TTC21B: variants seen among roughly 807,000 people sequenced by gnomAD.
TTC21B encodes tetratricopeptide repeat protein 21B.
A neutral mutation model predicts 175.1 loss-of-function variants in TTC21B; 127 were observed. The ratio of observed to expected loss-of-function variants is 0.73; its 90% CI spans 0.63 to 0.84. The LOEUF (loss-of-function observed/expected upper bound fraction) is 0.84, where lower values mean the gene tolerates loss of function less well. Among genes scored for constraint, TTC21B ranks in the 40% least tolerant of loss-of-function variants. TTC21B has a pLI of 0.00. For missense variants in TTC21B, 1,561 were observed against 1,558.3 expected (o/e 1.00, Z -0.03); for synonymous variants, 524 against 524.5 (o/e 1.00, Z 0.01).
chr2:165,891,435 G>C (rs962112919), intron 22 of TTC21B, among the ~76,000 whole-genome samples: 5 of 152,058 alleles, frequency 3.3e-5, no homozygotes, highest in African/African-American at 1.2e-4. Flanking sequence ...ATAATGTATG[G>C]GATGGACAAT....
chr2:165,900,008 C>CA lies in TTC21B; in HGVS notation c.2758-129dup, dbSNP rs200057550. ...GCAATAAAATGCCAAGTATAATAGA[C>CA]AAAAAAAAAAAAAAAACAACAGTAT... On this transcript the variant is annotated intron_variant, in intron 20 of 28. Transcript: ENST00000243344. The CA allele has an allele frequency of 0.22, 30,805 of 139,106 alleles. 2,732 individuals are homozygous for CA. The highest frequency in any genetic ancestry group is 0.46 in the African/African-American group (9,949 of 21,710). 8.6% of individuals were successfully genotyped at this position (139,106 alleles called of 1,614,324 possible). A position where few individuals can be genotyped will look rare whatever the true frequency, so the allele number is the denominator to read the frequency against.
chr2:165,888,848 A>G (rs1685093759), intron 24 of TTC21B, among the ~76,000 whole-genome samples: 1 of 152,208 alleles, frequency 6.6e-6, no homozygotes, highest in Admixed American at 6.5e-5. Flanking sequence ...GAAAGGAAAA[A>G]AGTGACAAAT....
intron 5 of TTC21B, among the ~76,000 whole-genome samples, chr2:165,942,246 C>T (rs1184018577): frequency 1.3e-5 from 2 of 152,044 alleles, no homozygotes; most frequent in African/African-American, 4.8e-5. Flanking sequence ...CTTTTTTATC[C>T]CTCCAAATTA....
intron 25 of TTC21B, among the ~76,000 whole-genome samples, chr2:165,885,275 T>C (rs1684968048): frequency 1.3e-5 from 2 of 151,262 alleles, no homozygotes; most frequent in African/African-American, 4.9e-5. Context: ...AAAAGGAGAG[T>C]GGTAAAATGT....
intron 1 of TTC21B, among the ~76,000 whole-genome samples, chr2:165,951,845 T>G (rs1199215542): frequency 6.6e-6 from 1 of 152,188 alleles, no homozygotes; most frequent in Non-Finnish European, 1.5e-5. Flanking sequence ...TAAACTCCTT[T>G]GGGAATGTGG....
intron 24 of TTC21B, 60 bp downstream of exon 24, chr2:165,890,419 C>T: frequency 6.6e-7 from 1 of 1,508,946 alleles, no homozygotes; most frequent in African/African-American, 1.4e-5. Context: ...TGTATAGTAT[C>T]CCTGTTTATT....
In TTC21B at chr2:165,924,676, A is replaced by C. The variant is rs1472298358; in HGVS notation, c.1389T>G (p.Pro463=). The C allele has an allele frequency of 6.2e-7, 1 of 1,613,186 alleles. No homozygotes were observed. Among genetic ancestry groups the C allele is most frequent in the African/African-American group, 1.3e-5 (1 of 74,908 alleles). Residue 463 remains proline (P), a splice_region_variant and synonymous_variant, in exon 12 of 29, where the codon CCT becomes CCG. Transcript: ENST00000243344. ...GACAAAGAGGTTGCCCAGGACTTGC[A>C]GGCTAAACAAAACAAATCAGCAGAT... ...MEYLSFCPMQ[P]ASPGQPLCPL...
intron 27 of TTC21B, among the ~76,000 whole-genome samples, chr2:165,877,471 C>T (rs1253813356): frequency 6.6e-6 from 1 of 152,088 alleles, no homozygotes; most frequent in African/African-American, 2.4e-5. Flanking sequence ...TCTATGTTTA[C>T]ATACACACAT....
chr2:165,939,937 T>C (rs1307123690), intron 6 of TTC21B, among the ~76,000 whole-genome samples: 1 of 152,174 alleles, frequency 6.6e-6, no homozygotes, highest in African/African-American at 2.4e-5. Context: ...AACCTCTTTG[T>C]ACCTTAGTCC....
rs1366981185 is a variant in TTC21B at position 165,917,442 on chromosome 2, AC to A, written c.1713del (p.Gln571HisfsTer9). On this transcript the variant is annotated frameshift_variant, in exon 14 of 29. Coordinates refer to ENST00000243344, the MANE Select transcript of TTC21B (RefSeq NM_024753.5). LOFTEE classifies it high-confidence loss of function. ...GCTATTTCTCCCATTTTCTTTTGTG[AC>A]TGAGCTTTTATCAAATGGTATAAAG... ...DYPLYHLIKAQSQKKMGEIAD... is the reference protein window; with the variant it reads ...DYPLYHLIKAXSQKKMGEIAD... 6.2e-7 allele frequency: 1 copy of A among 1,613,912 alleles called. No individual in the cohort carries two copies. The highest frequency in any genetic ancestry group is 1.7e-5 in the Admixed American group (1 of 60,012).
chr2:165,925,617 G>A (rs924906863), intron 11 of TTC21B, among the ~76,000 whole-genome samples: 1 of 151,930 alleles, frequency 6.6e-6, no homozygotes, highest in African/African-American at 2.4e-5. Context: ...CAATATATAC[G>A]CTCAAAAAGA....
At position 165,949,701 on chromosome 2, in the gene TTC21B, T is replaced by C; in HGVS notation, c.45A>G (p.Gln15=). The change falls in exon 2 of 29, where the codon CAA becomes CAG. Residue 15 remains glutamine, a synonymous_variant. Transcript: ENST00000243344. Reference sequence around the variant, plus strand: ...GTAATACATGATGGAAATATCTCTCTTGACAATAGTAATTAATCAAAGTCT... The same window carrying C: ...GTAATACATGATGGAAATATCTCTCCTGACAATAGTAATTAATCAAAGTCT... ...ELKTLINYYC[Q]ERYFHHVLLV... is the part of the protein sequence containing the mutation. 6.2e-7 allele frequency: 1 copy of C among 1,611,928 alleles called. No homozygotes were observed. The highest frequency in any genetic ancestry group is 8.5e-7 in the Non-Finnish European group (1 of 1,178,552).
At chr2:165,924,406 G>T in intron 12 of TTC21B, 143 bp downstream of exon 12, 2 of 711,278 alleles carry the variant, frequency 2.8e-6, no homozygotes, top group Non-Finnish European at 2.2e-6. Context: ...ATTCTATTTT[G>T]GATTAAAATT....
intron 25 of TTC21B, among the ~76,000 whole-genome samples, chr2:165,885,105 G>A (rs6738861): frequency 0.015 from 2,281 of 152,190 alleles, 65 homozygotes; most frequent in African/African-American, 0.052. Flanking sequence ...AGTTATGATC[G>A]TGCCACTGCA....
At chr2:165,909,576 C>T (rs986291442) in intron 18 of TTC21B, among the ~76,000 whole-genome samples, 5 of 152,128 alleles carry the variant, frequency 3.3e-5, no homozygotes, top group African/African-American at 1.2e-4. Flanking sequence ...TATCACTCAT[C>T]AAAGAAATGT....
chr2:165,925,673 A>C (rs1364137826), intron 11 of TTC21B, among the ~76,000 whole-genome samples: 3 of 152,188 alleles, frequency 2.0e-5, no homozygotes, highest in Non-Finnish European at 4.4e-5. Context: ...CAACTTCTTT[A>C]TCATATATAA....
rs780028098 is a variant in TTC21B, at chr2:165,929,630, G to T, written c.1185+20C>A. 19 of 1,544,996 alleles carry T rather than the reference G, an allele frequency of 1.2e-5. No homozygotes were observed. Among genetic ancestry groups the T allele is most frequent in the Non-Finnish European group, 1.6e-5 (18 of 1,118,390 alleles). The stretch of plus-strand genomic sequence containing the variant: ...TATAAACAGCTAGCATCTACCAGCT[G>T]ATAAAATAAAATACTGTACCGCAGA... On this transcript the variant is annotated intron_variant, in intron 10 of 28. Transcript: ENST00000243344.
intron 16 of TTC21B, among the ~76,000 whole-genome samples, chr2:165,913,029 T>C (rs1448255016): frequency 6.7e-6 from 1 of 149,824 alleles, no homozygotes; most frequent in African/African-American, 2.4e-5. Flanking sequence ...AACATACCTC[T>C]GGTATCAACT....
intron 22 of TTC21B, 32 bp from the exon 23 acceptor site, chr2:165,891,020 C>A: frequency 1.3e-6 from 2 of 1,541,328 alleles, no homozygotes; most frequent in Non-Finnish European, 1.8e-6. Context: ...GATATGGGCA[C>A]CATTTTATAC....
Sources: allele counts gnomAD v4.1 joint callset (sites outside exome capture counted in the v4.1 genomes callset), GRCh38; gene constraint gnomAD v4.1.1; transcripts MANE v1.5; gene names NCBI Gene and HGNC (gene_info 2026-07-23, HGNC 2026-07-21).